The following ZMAT4 variants were observed in gnomAD, a reference collection of about 807,000 sequenced individuals.
The protein encoded by ZMAT4 is zinc finger matrin-type protein 4.
Under a neutral mutation model 28.7 loss-of-function variants are expected in ZMAT4, and 17 were observed. That is an observed-to-expected ratio of 0.59 (90% confidence interval 0.41 to 0.89). The LOEUF (loss-of-function observed/expected upper bound fraction) is 0.89. Ranked by LOEUF, ZMAT4 falls within the 40% of genes least tolerant of loss-of-function variation. The pLI is 0.00. For missense variants in ZMAT4, 240 were observed against 283.8 expected (o/e 0.85, Z 1.11); for synonymous variants, 117 against 109.2 (o/e 1.07, Z -0.44).
intron 6 of ZMAT4, among the ~76,000 whole-genome samples, chr8:40,542,358 A>T (rs990068159): frequency 6.6e-6 from 1 of 152,016 alleles, no homozygotes; most frequent in African/African-American, 2.4e-5. Context: ...TGATCATCCG[A>T]TTTTTAATTT....
Position 40,846,067 on chromosome 8 carries a change from G to A in ZMAT4, c.-4-20387C>T, listed in dbSNP as rs540200707. Among the ~76,000 whole-genome samples, 5 of 152,296 alleles carry A rather than the reference G, an allele frequency of 3.3e-5. No homozygotes were observed. In the East Asian group the frequency reaches 9.7e-4, roughly 29 times the overall value. On this transcript the variant is annotated intron_variant, in intron 1 of 6. Coordinates refer to ENST00000297737, the MANE Select transcript of ZMAT4 (RefSeq NM_024645.3). Reference sequence around the variant, plus strand: ...TCCCAAGGTATTAGGAGAGACAGCAGCTGGATCTGTCAAACTTTCACTAAA... The same window carrying A: ...TCCCAAGGTATTAGGAGAGACAGCAACTGGATCTGTCAAACTTTCACTAAA...
At chr8:40,881,895 A>C (rs1368204691) in intron 1 of ZMAT4, among the ~76,000 whole-genome samples, 1 of 152,154 alleles carries the variant, frequency 6.6e-6, no homozygotes, top group Non-Finnish European at 1.5e-5. Flanking sequence ...ACTCCTCAGA[A>C]GCCTGAGGAC....
intron 3 of ZMAT4, among the ~76,000 whole-genome samples, chr8:40,720,243 T>C (rs759534370): frequency 1.3e-5 from 2 of 152,224 alleles, no homozygotes; most frequent in Non-Finnish European, 2.9e-5. Flanking sequence ...ATTGATCTTA[T>C]TAACCAGCAC....
rs543254695 is a variant in ZMAT4 at position 40,629,831 on chromosome 8, A to G, written c.577+44873T>C. Among the ~76,000 whole-genome samples, 58 of 152,146 alleles carry G rather than the reference A, an allele frequency of 3.8e-4. No homozygotes were observed. In the Middle Eastern group the frequency reaches 0.014, roughly 36 times the overall value. On this transcript the variant is annotated intron_variant, in intron 5 of 6. Transcript: ENST00000297737. The stretch of plus-strand genomic sequence containing the variant: ...TTGTTGGACATTTAGGTTGGTTCCA[A>G]GTCTTTGCTATTGTGAGTAGTGCCG...
chr8:40,890,190 T>C (rs552859894), intron 1 of ZMAT4, among the ~76,000 whole-genome samples: 4 of 152,328 alleles, frequency 2.6e-5, no homozygotes, highest in Admixed American at 1.3e-4. Context: ...TTAAAAACAC[T>C]TTTTGAAAAA....
intron 2 of ZMAT4, among the ~76,000 whole-genome samples, chr8:40,809,448 A>G (rs544609142): frequency 2.2e-4 from 34 of 152,174 alleles, no homozygotes; most frequent in Non-Finnish European, 4.3e-4. Flanking sequence ...AAACCTGTAC[A>G]TGTATCCTCA....
intron 6 of ZMAT4, 123 bp from the exon 7 acceptor site, chr8:40,532,361 A>T: frequency 4.3e-6 from 3 of 690,158 alleles, no homozygotes; most frequent in Non-Finnish European, 6.6e-6. Context: ...TCAAATTCAA[A>T]TGCATCTGAA....
At chr8:40,685,469 G>A (rs571080325) in intron 4 of ZMAT4, among the ~76,000 whole-genome samples, 1 of 152,274 alleles carries the variant, frequency 6.6e-6, no homozygotes, top group African/African-American at 2.4e-5. Flanking sequence ...CCTACTTAGA[G>A]CCTGAATTAT....
intron 3 of ZMAT4, among the ~76,000 whole-genome samples, chr8:40,726,097 T>G (rs1811306055): frequency 6.6e-6 from 1 of 152,236 alleles, no homozygotes; most frequent in Non-Finnish European, 1.5e-5. Context: ...CAGAGTATGC[T>G]GGCTAAATAT....
chr8:40,739,884 GAA>G (rs1363510157), intron 3 of ZMAT4, among the ~76,000 whole-genome samples: 1 of 152,178 alleles, frequency 6.6e-6, no homozygotes, highest in Non-Finnish European at 1.5e-5. Context: ...TTATGAGTGA[GAA>G]CATGCGGTGT....
At chr8:40,606,173 C>A (rs1585748230) in intron 5 of ZMAT4, among the ~76,000 whole-genome samples, 1 of 152,248 alleles carries the variant, frequency 6.6e-6, no homozygotes, top group East Asian at 1.9e-4. Context: ...CATTTACATT[C>A]AACATTAGTA....
At chr8:40,803,239 TA>T (rs1327856679) in intron 2 of ZMAT4, among the ~76,000 whole-genome samples, 1 of 152,094 alleles carries the variant, frequency 6.6e-6, no homozygotes, top group Non-Finnish European at 1.5e-5. Flanking sequence ...TTAATAAAAT[TA>T]AAAATTTCTA....
intron 1 of ZMAT4, among the ~76,000 whole-genome samples, chr8:40,879,950 T>A (rs1447216551): frequency 6.6e-6 from 1 of 152,214 alleles, no homozygotes; most frequent in Non-Finnish European, 1.5e-5. Flanking sequence ...TCTCCACTGC[T>A]GGGGAGGTTG....
chr8:40,682,426 A>G (rs1376448663), intron 4 of ZMAT4, among the ~76,000 whole-genome samples: 1 of 152,228 alleles, frequency 6.6e-6, no homozygotes, highest in African/African-American at 2.4e-5. Context: ...TGAGAAAAGC[A>G]GTTGTCCCAC....
At chr8:40,855,679 CTTTT>C (rs34420719) in intron 1 of ZMAT4, among the ~76,000 whole-genome samples, 2 of 139,906 alleles carry the variant, frequency 1.4e-5, no homozygotes, top group African/African-American at 2.6e-5. Context: ...TTCACCAAAA[CTTTT>C]TTTTTTTTTT....
intron 3 of ZMAT4, among the ~76,000 whole-genome samples, chr8:40,758,045 G>A (rs1268689686): frequency 6.6e-6 from 1 of 152,190 alleles, no homozygotes; most frequent in Non-Finnish European, 1.5e-5. Context: ...ACAGACTGAA[G>A]GCTGCACTGT....
chr8:40,675,876 A>G (rs1470961081), intron 4 of ZMAT4, among the ~76,000 whole-genome samples: 1 of 152,208 alleles, frequency 6.6e-6, no homozygotes, highest in Non-Finnish European at 1.5e-5. Flanking sequence ...GATCAGGTGT[A>G]CTTATCTAAA....
chr8:40,722,253 G>T (rs565339276), intron 3 of ZMAT4, among the ~76,000 whole-genome samples: 142 of 152,264 alleles, frequency 9.3e-4, no homozygotes, highest in African/African-American at 3.2e-3. Context: ...CAAAATGGGA[G>T]AAAATTTTCG....
chr8:40,630,246 T>A (rs1806526256), intron 5 of ZMAT4, among the ~76,000 whole-genome samples: 1 of 152,228 alleles, frequency 6.6e-6, no homozygotes, highest in Admixed American at 6.5e-5. Context: ...AGTACTTTTA[T>A]TTGTATACTT....
Sources: gnomAD v4.1 joint callset for allele counts (sites outside exome capture counted in the v4.1 genomes callset) on GRCh38, gnomAD v4.1.1 for gene constraint, MANE v1.5 for transcripts, NCBI Gene and HGNC (gene_info 2026-07-23, HGNC 2026-07-21) for gene names.